The following CCDC93 variants were observed in gnomAD, a reference collection of about 807,000 sequenced individuals.
CCDC93 encodes coiled-coil domain-containing protein 93.
Under a neutral mutation model 108.2 loss-of-function variants are expected in CCDC93, and 61 were observed. That is an observed-to-expected ratio of 0.56 (90% CI 0.46 to 0.70). CCDC93 has a LOEUF of 0.70. CCDC93 is among the 30% of genes least tolerant of loss of function. The probability of loss-of-function intolerance (pLI) is 0.00; values close to 1 mark genes in which losing one functional copy is unlikely to be tolerated. For missense variants in CCDC93, 685 were observed against 764.2 expected (o/e 0.90, Z 1.22); for synonymous variants, 276 against 260.4 (o/e 1.06, Z -0.58).
intron 7 of CCDC93, among the ~76,000 whole-genome samples, chr2:117,981,260 T>C (rs1277913515): frequency 6.6e-6 from 1 of 152,190 alleles, no homozygotes; most frequent in Non-Finnish European, 1.5e-5. Context: ...TGGCACATAG[T>C]AGGTGCTCAA....
intron 6 of CCDC93, among the ~76,000 whole-genome samples, chr2:117,994,138 A>G (rs1362114958): frequency 6.6e-6 from 1 of 152,246 alleles, no homozygotes; most frequent in East Asian, 1.9e-4. Flanking sequence ...ATGCACAATA[A>G]AAACATGGAA....
intron 22 of CCDC93, chr2:117,934,052 T>G (rs1678439841): frequency 6.6e-6 from 1 of 152,212 alleles, no homozygotes; most frequent in African/African-American, 2.4e-5. Flanking sequence ...CGAAGCCTCC[T>G]CGGGGAGAGT....
intron 11 of CCDC93, among the ~76,000 whole-genome samples, chr2:117,973,135 A>C (rs964058097): frequency 2.0e-5 from 3 of 152,160 alleles, no homozygotes; most frequent in Non-Finnish European, 4.4e-5. Context: ...CCCTAACTGT[A>C]TCACCTGTGC....
At chr2:117,928,294 CAAAATAAACTACCAT>C (rs1678194048) in intron 23 of CCDC93, among the ~76,000 whole-genome samples, 1 of 152,006 alleles carries the variant, frequency 6.6e-6, no homozygotes, top group African/African-American at 2.4e-5. Flanking sequence ...TTCTGCACAG[CAAAATAAACTACCAT>C]AGGAGTGAAC....
chr2:117,981,787 ACT>A (rs1336446815), intron 7 of CCDC93, among the ~76,000 whole-genome samples: 3 of 152,318 alleles, frequency 2.0e-5, no homozygotes, highest in Admixed American at 6.5e-5. Flanking sequence ...CCTGAGCCAC[ACT>A]AGTCGCATTT....
chr2:117,971,740 T>C (rs771266640), intron 11 of CCDC93, among the ~76,000 whole-genome samples: 1 of 152,188 alleles, frequency 6.6e-6, no homozygotes, highest in Non-Finnish European at 1.5e-5. Flanking sequence ...TCACTCACTG[T>C]CCTACCTCTT....
chr2:117,950,251 A>C, intron 13 of CCDC93: 1 of 985,462 alleles, frequency 1.0e-6, no homozygotes, highest in Non-Finnish European at 1.2e-6. Context: ...GAAGACAGAC[A>C]TAACCTTAAA....
chr2:118,001,434 C>T (rs753751961), intron 3 of CCDC93, among the ~76,000 whole-genome samples: 1 of 152,176 alleles, frequency 6.6e-6, no homozygotes, highest in Non-Finnish European at 1.5e-5. Flanking sequence ...ATTTGGAGTT[C>T]TCTACTCTCT....
intron 20 of CCDC93, among the ~76,000 whole-genome samples, chr2:117,938,248 TG>T (rs1459304075): frequency 6.6e-6 from 1 of 152,206 alleles, no homozygotes; most frequent in African/African-American, 2.4e-5. Flanking sequence ...CAAATCTGAC[TG>T]ACGCCAAAGC....
chr2:117,992,680 T>C (rs973114666), intron 6 of CCDC93, among the ~76,000 whole-genome samples: 9 of 152,196 alleles, frequency 5.9e-5, no homozygotes, highest in East Asian at 5.8e-4. Context: ...GCAACTGATA[T>C]ATAACCTACC....
chr2:117,984,939 T>A (rs1338865978), intron 7 of CCDC93, among the ~76,000 whole-genome samples: 1 of 152,138 alleles, frequency 6.6e-6, no homozygotes, highest in East Asian at 1.9e-4. Flanking sequence ...TAATAATTAA[T>A]CATCATTAAT....
chr2:117,952,497 A>C (rs1345864917), intron 12 of CCDC93, 62 bp from the exon 13 acceptor site: 8 of 1,165,822 alleles, frequency 6.9e-6, no homozygotes, highest in Non-Finnish European at 1.0e-5. Context: ...ACAGATGTGA[A>C]TTTCACAGAT....
chr2:117,938,979 C>G, intron 20 of CCDC93, 50 bp downstream of exon 20: 1 of 974,714 alleles, frequency 1.0e-6, no homozygotes, highest in African/African-American at 1.6e-5. Flanking sequence ...TTCCTGGAGT[C>G]AACTGCACTG....
intron 8 of CCDC93, among the ~76,000 whole-genome samples, chr2:117,976,515 A>G (rs1012182218): frequency 6.6e-6 from 1 of 152,212 alleles, no homozygotes; most frequent in Non-Finnish European, 1.5e-5. Context: ...TCAGTACATG[A>G]CTAAGTACCA....
intron 11 of CCDC93, among the ~76,000 whole-genome samples, chr2:117,964,520 G>C (rs945554270): frequency 1.3e-5 from 2 of 152,044 alleles, no homozygotes; most frequent in Non-Finnish European, 2.9e-5. Context: ...AGAAACAAAC[G>C]AAACAGTGCT....
chr2:118,013,471 C>T (rs1677074749), intron 1 of CCDC93, among the ~76,000 whole-genome samples: 1 of 152,142 alleles, frequency 6.6e-6, no homozygotes, highest in Non-Finnish European at 1.5e-5. Context: ...GACAGCAAGG[C>T]GGGTGGGGCG....
intron 3 of CCDC93, among the ~76,000 whole-genome samples, chr2:118,004,730 T>TA (rs1162736563): frequency 2.0e-5 from 3 of 152,198 alleles, no homozygotes. Flanking sequence ...GGTGGGTCCT[T>TA]AGTCACGTAA....
chr2:118,003,220 C>CA (rs1676760468), intron 3 of CCDC93, among the ~76,000 whole-genome samples: 1 of 152,174 alleles, frequency 6.6e-6, no homozygotes, highest in South Asian at 2.1e-4. Context: ...TTGGGACTCA[C>CA]ATGGGATAGC....
intron 13 of CCDC93, among the ~76,000 whole-genome samples, chr2:117,952,083 C>A (rs1375686495): frequency 6.6e-6 from 1 of 151,970 alleles, no homozygotes; most frequent in Non-Finnish European, 1.5e-5. Context: ...TGTGCCCCAC[C>A]CAGCCTATCA....
Sources: allele counts gnomAD v4.1 joint callset (sites outside exome capture counted in the v4.1 genomes callset), GRCh38; gene constraint gnomAD v4.1.1; transcripts MANE v1.5; gene names NCBI Gene and HGNC (gene_info 2026-07-23, HGNC 2026-07-21).